The following ZFHX4 variants were observed in gnomAD, a reference collection of about 807,000 sequenced individuals.
ZFHX4 encodes zinc finger homeobox protein 4.
In ZFHX4, 56 loss-of-function variants were observed where a neutral mutation model predicts 267.6. The observed-to-expected ratio is 0.21, with a 90% CI of 0.17 to 0.26. The LOEUF (loss-of-function observed/expected upper bound fraction) is 0.26, where lower values mean the gene tolerates loss of function less well. ZFHX4 is among the 10% of genes least tolerant of loss of function. ZFHX4 has a pLI of 1.00. For missense variants in ZFHX4, 4,332 were observed against 4,420.0 expected (o/e 0.98, Z 0.56); for synonymous variants, 1,778 against 1,665.6 (o/e 1.07, Z -1.64).
intron 3 of ZFHX4, 61 bp downstream of exon 3, chr8:76,708,109 G>T (rs1435656822): frequency 6.3e-7 from 1 of 1,599,064 alleles, no homozygotes; most frequent in Non-Finnish European, 8.5e-7. Flanking sequence ...CTCTTTCAGA[G>T]CTTGGAGCAC....
chr8:76,710,942 T>C (rs952744774), intron 3 of ZFHX4, among the ~76,000 whole-genome samples: 18 of 152,166 alleles, frequency 1.2e-4, no homozygotes, highest in Admixed American at 1.0e-3. Flanking sequence ...GTTTTTAATA[T>C]ATTTGGCAGG....
chr8:76,863,736 A>G lies in ZFHX4; in HGVS notation c.10022A>G (p.Gln3341Arg), dbSNP rs376546401. Residue 3341 changes from glutamine (Q) to arginine (R), a missense_variant, in exon 11 of 11, where the codon CAG (glutamine) becomes CGG (arginine). Gln to Arg is a conservative substitution (Grantham distance 43). Coordinates refer to ENST00000651372, the MANE Select transcript of ZFHX4 (RefSeq NM_024721.5). ...QKQQKQQQEQ[Q>R]QKPVQAKTSK... ...CAGCAAAAGCAACAGCAAGAACAGC[A>G]GCAGAAACCAGTTCAGGCAAAGACA... 1.9e-6 allele frequency: 3 copies of G among 1,556,160 alleles called. No individual in the cohort carries two copies. Among genetic ancestry groups the G allele is most frequent in the African/African-American group, 2.7e-5 (2 of 73,314 alleles).
rs546457063 is a variant in ZFHX4 at position 76,844,210 on chromosome 8, G to A, written c.3511+1439G>A. Among the ~76,000 whole-genome samples the A allele has an allele frequency of 7.9e-4, 120 of 152,200 alleles. 6 individuals are homozygous for A. The South Asian group carries it at 0.024, about 31-fold the overall frequency. ...AGGTGGTTTGTTCACTTTCTATGAT[G>A]GACCTTATCAAATTAGCTGCTTGCC... On this transcript the variant is annotated intron_variant, in intron 6 of 10. Transcript: ENST00000651372.
At chr8:76,803,695 A>G (rs1372265896) in intron 4 of ZFHX4, among the ~76,000 whole-genome samples, 1 of 152,084 alleles carries the variant, frequency 6.6e-6, no homozygotes, top group Non-Finnish European at 1.5e-5. Flanking sequence ...TAAGCCACCA[A>G]TTTTACACCT....
At chr8:76,726,995 G>A (rs1162700169) in intron 3 of ZFHX4, among the ~76,000 whole-genome samples, 1 of 152,160 alleles carries the variant, frequency 6.6e-6, no homozygotes, top group Non-Finnish European at 1.5e-5. Context: ...TGATGCTTCT[G>A]ATTGACAGGG....
chr8:76,750,962 G>A (rs1324057632), intron 3 of ZFHX4, among the ~76,000 whole-genome samples: 1 of 152,106 alleles, frequency 6.6e-6, no homozygotes. Flanking sequence ...AAACGCAGGA[G>A]CTGATAAGGA....
At chr8:76,786,693 T>C (rs1054549507) in intron 4 of ZFHX4, among the ~76,000 whole-genome samples, 2 of 152,146 alleles carry the variant, frequency 1.3e-5, no homozygotes, top group South Asian at 4.1e-4. Context: ...TAACATGTAA[T>C]AATTATACCT....
intron 3 of ZFHX4, among the ~76,000 whole-genome samples, chr8:76,711,754 G>T (rs1478787719): frequency 6.6e-6 from 1 of 152,082 alleles, no homozygotes; most frequent in Admixed American, 6.5e-5. Context: ...AAAGAGTCTA[G>T]TAAAAAGATA....
chr8:76,692,207 C>T (rs1403432082), intron 1 of ZFHX4, among the ~76,000 whole-genome samples: 1 of 151,992 alleles, frequency 6.6e-6, no homozygotes, highest in Non-Finnish European at 1.5e-5. Context: ...CTTAGTCTAT[C>T]CACATGAACT....
rs1249661991 is a variant in ZFHX4, at chr8:76,863,606, C to T, written c.9892C>T (p.Pro3298Ser). ...PPVCGMESLFPYGPTMPQTLA... is the reference protein window; with the variant it reads ...PPVCGMESLFSYGPTMPQTLA... ...TGTCTGTGGCATGGAGAGCCTCTTT[C>T]CTTATGGCCCTACAATGCCCCAGAC... The change falls in exon 11 of 11, where the codon CCT (proline) becomes TCT (serine). Residue 3298 changes from proline (P) to serine (S), a missense_variant. Physicochemically the swap from Pro to Ser is moderately conservative, Grantham distance 74. Coordinates refer to ENST00000651372, the MANE Select transcript of ZFHX4 (RefSeq NM_024721.5). The T allele has an allele frequency of 3.1e-6, 5 of 1,613,540 alleles. No individual in the cohort carries two copies. Among genetic ancestry groups the T allele is most frequent in the East Asian group, 2.2e-5 (1 of 44,836 alleles).
At chr8:76,748,913 A>T (rs1252676221) in intron 3 of ZFHX4, among the ~76,000 whole-genome samples, 1 of 152,214 alleles carries the variant, frequency 6.6e-6, no homozygotes, top group Non-Finnish European at 1.5e-5. Context: ...TATAAAAGCC[A>T]AGTCAATTTA....
At chr8:76,827,611 A>G (rs1442012773) in intron 4 of ZFHX4, among the ~76,000 whole-genome samples, 1 of 152,212 alleles carries the variant, frequency 6.6e-6, no homozygotes, top group Non-Finnish European at 1.5e-5. Flanking sequence ...TAATAAAAGC[A>G]CTTTAAAATA....
At chr8:76,711,269 T>A (rs1156348016) in intron 3 of ZFHX4, among the ~76,000 whole-genome samples, 1 of 152,128 alleles carries the variant, frequency 6.6e-6, no homozygotes, top group Admixed American at 6.5e-5. Flanking sequence ...CAAGTGAGAG[T>A]CTCTGAAGTG....
intron 6 of ZFHX4, among the ~76,000 whole-genome samples, chr8:76,845,044 G>T (rs141766283): frequency 6.6e-6 from 1 of 151,936 alleles, no homozygotes; most frequent in Admixed American, 6.6e-5. Context: ...ATCTTCATAC[G>T]TTAGATGGGA....
At chr8:76,711,764 A>T (rs77867102) in intron 3 of ZFHX4, among the ~76,000 whole-genome samples, 6,641 of 152,208 alleles carry the variant, frequency 0.044, 325 homozygotes, top group East Asian at 0.24. Context: ...GTAAAAAGAT[A>T]TAATGAAAAC....
chr8:76,691,009 C>T (rs1449932404), intron 1 of ZFHX4, among the ~76,000 whole-genome samples: 1 of 152,002 alleles, frequency 6.6e-6, no homozygotes, highest in Non-Finnish European at 1.5e-5. Context: ...AGAGAGTTAT[C>T]TTTGATTACC....
At chr8:76,813,139 A>C (rs2131848419) in intron 4 of ZFHX4, among the ~76,000 whole-genome samples, 1 of 152,182 alleles carries the variant, frequency 6.6e-6, no homozygotes, top group Middle Eastern at 3.4e-3. Context: ...ATGCTTTTGT[A>C]TTTTGTAAGA....
At chr8:76,773,497 A>G (rs938858392) in intron 3 of ZFHX4, among the ~76,000 whole-genome samples, 3 of 152,118 alleles carry the variant, frequency 2.0e-5, no homozygotes, top group African/African-American at 7.2e-5. Context: ...ATTTTATTCT[A>G]GCGCTTTGAC....
chr8:76,772,904 T>A (rs1334821036), intron 3 of ZFHX4, among the ~76,000 whole-genome samples: 1 of 152,138 alleles, frequency 6.6e-6, no homozygotes, highest in Non-Finnish European at 1.5e-5. Context: ...CCAAACCAAG[T>A]TCTAGTTTAC....
Sources: gnomAD v4.1 joint callset for allele counts (sites outside exome capture counted in the v4.1 genomes callset) on GRCh38, gnomAD v4.1.1 for gene constraint, MANE v1.5 for transcripts, NCBI Gene and HGNC (gene_info 2026-07-23, HGNC 2026-07-21) for gene names.